The following DPH6 variants were observed in gnomAD, a reference collection of about 807,000 sequenced individuals.
The protein encoded by DPH6 is diphthamine biosynthesis 6, also known as diphthine--ammonia ligase.
In DPH6, 33 loss-of-function variants were observed where a neutral mutation model predicts 38.2. That is an observed-to-expected ratio of 0.86 (90% CI 0.65 to 1.15). The LOEUF (loss-of-function observed/expected upper bound fraction) is 1.15. Ranked by LOEUF, DPH6 falls within the 50% of genes most tolerant of loss-of-function variation. The probability of loss-of-function intolerance (pLI) is 0.00; values close to 1 mark genes in which losing one functional copy is unlikely to be tolerated. For missense variants in DPH6, 325 were observed against 320.0 expected, an observed-to-expected ratio of 1.02 and a Z score of -0.12; for synonymous variants, 108 against 103.0, an observed-to-expected ratio of 1.05 and a Z score of -0.30.
Position 35,239,639 on chromosome 15 carries a change from C to T in DPH6, n.201-19057G>A, listed in dbSNP as rs138863614. On this transcript the variant is annotated intron_variant and non_coding_transcript_variant, in intron 3 of 3. Transcript: ENST00000560386. ...TCAACCCCTTCTCCTTCAACCTTAG[C>T]GGCAAGTCCCGCTTTCCTGGGGCAG... is the stretch of plus-strand genomic sequence containing the variant. Among the ~76,000 whole-genome samples, 508 of 128,876 alleles carry T rather than the reference C, an allele frequency of 3.9e-3. 58 individuals are homozygous for T. The highest frequency in any genetic ancestry group is 0.014 in the African/African-American group (482 of 35,208). The allele number at this position is 128,876 out of a possible 152,430, so 84.5% of individuals were successfully genotyped here.
At chr15:35,163,339 C>T in the DPH6 span, among the ~76,000 whole-genome samples, 7 of 151,898 alleles carry the variant, frequency 4.6e-5, no homozygotes, top group South Asian at 1.2e-3. Flanking sequence ...TGATATTGAC[C>T]GAAGTGAAAT....
chr15:35,529,731 G>T (rs560495667), intron 3 of DPH6, among the ~76,000 whole-genome samples: 24 of 152,116 alleles, frequency 1.6e-4, no homozygotes, highest in African/African-American at 5.5e-4. Flanking sequence ...ATTAATGTTT[G>T]ACAAATGAAA....
intron 3 of DPH6, among the ~76,000 whole-genome samples, chr15:35,279,637 G>GCTCCCCC (rs375416678): frequency 1.3e-5 from 2 of 152,088 alleles, no homozygotes; most frequent in African/African-American, 2.4e-5. Flanking sequence ...GGATGCACCT[G>GCTCCCCC]CTCCCCTTTG....
At chr15:35,483,503 G>A (rs1457140770) in intron 3 of DPH6, among the ~76,000 whole-genome samples, 1 of 151,130 alleles carries the variant, frequency 6.6e-6, no homozygotes, top group African/African-American at 2.4e-5. Flanking sequence ...AAACCATAAT[G>A]AGATACCAAT....
chr15:35,347,864 T>A (rs544673436), intron 3 of DPH6, among the ~76,000 whole-genome samples: 1 of 152,130 alleles, frequency 6.6e-6, no homozygotes, highest in Non-Finnish European at 1.5e-5. Flanking sequence ...TGAGGTAATA[T>A]CATTGTTGTT....
intron 5 of DPH6, among the ~76,000 whole-genome samples, chr15:35,436,499 CA>C (rs367633039): frequency 0.011 from 237 of 21,888 alleles, 11 homozygotes; most frequent in Middle Eastern, 0.036. Context: ...CAAAACAAAA[CA>C]AAACAAAACA....
chr15:35,470,873 T>C (rs2054190288), intron 3 of DPH6, among the ~76,000 whole-genome samples: 1 of 152,198 alleles, frequency 6.6e-6, no homozygotes, highest in Non-Finnish European at 1.5e-5. Flanking sequence ...GTATAACTTG[T>C]CTTCAAAAAT....
At chr15:35,537,874 A>G (rs1418639380) in intron 3 of DPH6, among the ~76,000 whole-genome samples, 1 of 152,072 alleles carries the variant, frequency 6.6e-6, no homozygotes, top group African/African-American at 2.4e-5. Context: ...AGTGAGCTCC[A>G]TTAGAATAAG....
chr15:35,441,136 T>A (rs1037270839), intron 5 of DPH6, among the ~76,000 whole-genome samples: 1 of 152,116 alleles, frequency 6.6e-6, no homozygotes, highest in Non-Finnish European at 1.5e-5. Context: ...GTTAGAATGG[T>A]GATCTTTAAA....
intron 3 of DPH6, among the ~76,000 whole-genome samples, chr15:35,498,288 G>A (rs909159430): frequency 6.6e-6 from 1 of 152,000 alleles, no homozygotes; most frequent in Non-Finnish European, 1.5e-5. Flanking sequence ...AATATTTCAG[G>A]TCCCTTGTTT....
chr15:35,501,783 G>A (rs1178193457), intron 3 of DPH6, among the ~76,000 whole-genome samples: 2 of 152,004 alleles, frequency 1.3e-5, no homozygotes, highest in African/African-American at 4.8e-5. Context: ...TTTTGTTCAT[G>A]TACTTTTAAG....
the DPH6 span, among the ~76,000 whole-genome samples, chr15:35,205,144 T>C: frequency 2.0e-5 from 3 of 152,028 alleles, no homozygotes; most frequent in African/African-American, 7.2e-5. Context: ...ACTTAGAGTT[T>C]GATTTTTTTA....
At chr15:35,332,821 T>C (rs538462588) in intron 3 of DPH6, among the ~76,000 whole-genome samples, 3 of 152,038 alleles carry the variant, frequency 2.0e-5, no homozygotes, top group Non-Finnish European at 4.4e-5. Flanking sequence ...TGTAATTGTA[T>C]GTGCATGCAC....
At chr15:35,462,800 T>C (rs1308701839) in intron 3 of DPH6, among the ~76,000 whole-genome samples, 1 of 152,222 alleles carries the variant, frequency 6.6e-6, no homozygotes, top group East Asian at 1.9e-4. Context: ...CCGTTCCCAC[T>C]GTAATCTCAG....
chr15:35,193,010 G>T, the DPH6 span, among the ~76,000 whole-genome samples: 1 of 152,150 alleles, frequency 6.6e-6, no homozygotes, highest in African/African-American at 2.4e-5. Flanking sequence ...AATGATATGT[G>T]CTACAATGAA....
chr15:35,415,715 T>C (rs2053427668), intron 5 of DPH6, among the ~76,000 whole-genome samples: 1 of 152,040 alleles, frequency 6.6e-6, no homozygotes, highest in Admixed American at 6.6e-5. Context: ...CACTTTTCTG[T>C]ATTCATGAAA....
At chr15:35,381,108 A>T (rs1311307609) in intron 7 of DPH6, among the ~76,000 whole-genome samples, 1 of 152,192 alleles carries the variant, frequency 6.6e-6, no homozygotes, top group Admixed American at 6.5e-5. Flanking sequence ...TCTTAGTGTT[A>T]GAAATACTGA....
chr15:35,439,336 A>G (rs1289248331), intron 5 of DPH6, among the ~76,000 whole-genome samples: 2 of 152,220 alleles, frequency 1.3e-5, no homozygotes, highest in African/African-American at 2.4e-5. Flanking sequence ...ATAGCCTTTA[A>G]TAGAGTGGGG....
rs539666660 is a variant in DPH6, at chr15:35,540,926, C to A, written c.118+1487G>T. On this transcript the variant is annotated intron_variant, in intron 2 of 8. Transcript: ENST00000256538. ...TAACTTCACAAGATAGCTTGAAAGT[C>A]CCAGTTGCCTCCCCCTGGCCACAAG... Among the ~76,000 whole-genome samples the A allele has an allele frequency of 2.1e-3, 326 of 152,172 alleles. 2 individuals carry two copies. The highest frequency in any genetic ancestry group is 7.6e-3 in the African/African-American group (316 of 41,550).
Sources: gnomAD v4.1 joint callset for allele counts (sites outside exome capture counted in the v4.1 genomes callset) on GRCh38, gnomAD v4.1.1 for gene constraint, MANE v1.5 for transcripts, NCBI Gene and HGNC (gene_info 2026-07-23, HGNC 2026-07-21) for gene names.